The following ZFPM2 variants were observed in gnomAD, a reference collection of about 807,000 sequenced individuals.
ZFPM2 encodes zinc finger protein ZFPM2.
In ZFPM2, 20 loss-of-function variants were observed where a neutral mutation model predicts 98.6. The ratio of observed to expected loss-of-function variants is 0.20; its 90% CI spans 0.14 to 0.29. ZFPM2 has a LOEUF of 0.29. ZFPM2 is among the 10% of genes least tolerant of loss of function. The probability of loss-of-function intolerance (pLI) is 1.00; values close to 1 mark genes in which losing one functional copy is unlikely to be tolerated. For missense variants in ZFPM2, 1,310 were observed against 1,388.6 expected, an observed-to-expected ratio of 0.94 and a Z score of 0.90; for synonymous variants, 518 against 502.7, an observed-to-expected ratio of 1.03 and a Z score of -0.41.
chr8:105,453,626 TTTTTG>T (rs1276906983), intron 3 of ZFPM2, among the ~76,000 whole-genome samples: 2 of 151,940 alleles, frequency 1.3e-5, no homozygotes, highest in South Asian at 2.1e-4. Context: ...TCTGGAGTTT[TTTTTG>T]TTTTGTTTTG....
chr8:105,319,029 GC>G (rs1357359725), intron 1 of ZFPM2, 48 bp downstream of exon 1: 16 of 1,469,454 alleles, frequency 1.1e-5, no homozygotes, highest in Middle Eastern at 1.9e-4. Context: ...TTGCCCAGGA[GC>G]GGGGTGCGCG....
chr8:105,561,536 C>T, intron 4 of ZFPM2, 55 bp downstream of exon 4: 3 of 1,342,918 alleles, frequency 2.2e-6, no homozygotes, highest in East Asian at 2.4e-5. Context: ...TAGTATTTTG[C>T]CATAGCTCAG....
At chr8:105,736,882 T>TG (rs1363544019) in intron 5 of ZFPM2, among the ~76,000 whole-genome samples, 1 of 152,082 alleles carries the variant, frequency 6.6e-6, no homozygotes, top group Admixed American at 6.6e-5. Context: ...TAACACCAGA[T>TG]AAAATATCAG....
At chr8:105,704,409 T>C (rs946800930) in intron 5 of ZFPM2, among the ~76,000 whole-genome samples, 1 of 152,164 alleles carries the variant, frequency 6.6e-6, no homozygotes, top group African/African-American at 2.4e-5. Context: ...TCTGATTGAT[T>C]TGGTATCTTA....
intron 5 of ZFPM2, among the ~76,000 whole-genome samples, chr8:105,756,187 G>C (rs1267347301): frequency 6.6e-6 from 1 of 152,132 alleles, no homozygotes; most frequent in East Asian, 1.9e-4. Context: ...TCATGACTGT[G>C]CATGTGGCCC....
chr8:105,636,901 T>C (rs1250111349), intron 5 of ZFPM2, among the ~76,000 whole-genome samples: 2 of 152,166 alleles, frequency 1.3e-5, no homozygotes, highest in Non-Finnish European at 2.9e-5. Context: ...TTAATACTTA[T>C]TTAATAGCTC....
At chr8:105,741,739 A>ATTTTGGTT (rs1339782883) in intron 5 of ZFPM2, among the ~76,000 whole-genome samples, 2,113 of 152,122 alleles carry the variant, frequency 0.014, 53 homozygotes, top group African/African-American at 0.047. Flanking sequence ...ATACTGAACC[A>ATTTTGGTT]TTTACTGTTA....
At chr8:105,692,044 A>C (rs1810897647) in intron 5 of ZFPM2, among the ~76,000 whole-genome samples, 1 of 152,248 alleles carries the variant, frequency 6.6e-6, no homozygotes, top group South Asian at 2.1e-4. Flanking sequence ...ATTCTGTACA[A>C]GTCATGCTCT....
chr8:105,546,968 T>A (rs982857296), intron 3 of ZFPM2, among the ~76,000 whole-genome samples: 1 of 152,184 alleles, frequency 6.6e-6, no homozygotes, highest in African/African-American at 2.4e-5. Context: ...GTATCACAGT[T>A]TCCCTTTTTT....
At chr8:105,335,863 A>G (rs1005690495) in intron 1 of ZFPM2, among the ~76,000 whole-genome samples, 24 of 151,820 alleles carry the variant, frequency 1.6e-4, no homozygotes, top group Admixed American at 1.4e-3. Context: ...CGTGCAGCGT[A>G]TTCTGATCAA....
At chr8:105,472,397 T>C (rs1158351394) in intron 3 of ZFPM2, among the ~76,000 whole-genome samples, 1 of 152,240 alleles carries the variant, frequency 6.6e-6, no homozygotes, top group African/African-American at 2.4e-5. Context: ...TATTGAATCA[T>C]TAGTTCTGAT....
chr8:105,337,891 T>A (rs1387520255), intron 1 of ZFPM2, among the ~76,000 whole-genome samples: 1 of 151,744 alleles, frequency 6.6e-6, no homozygotes, highest in Non-Finnish European at 1.5e-5. Flanking sequence ...ATTCTCAAAA[T>A]GATAATGGTC....
chr8:105,696,260 A>G (rs1418767009), intron 5 of ZFPM2, among the ~76,000 whole-genome samples: 1 of 152,196 alleles, frequency 6.6e-6, no homozygotes, highest in Non-Finnish European at 1.5e-5. Flanking sequence ...TATCCTGGGC[A>G]GTGAGGCGGA....
intron 3 of ZFPM2, among the ~76,000 whole-genome samples, chr8:105,461,321 G>T (rs992851245): frequency 1.3e-5 from 2 of 152,036 alleles, no homozygotes; most frequent in Non-Finnish European, 2.9e-5. Context: ...AATGAAGATG[G>T]CATTATATTT....
chr8:105,620,376 GTTGT>G (rs1816513466), intron 4 of ZFPM2, among the ~76,000 whole-genome samples: 1 of 152,136 alleles, frequency 6.6e-6, no homozygotes, highest in African/African-American at 2.4e-5. Flanking sequence ...TTTTGATGGG[GTTGT>G]TTGATTTTTT....
intron 1 of ZFPM2, among the ~76,000 whole-genome samples, chr8:105,342,922 A>AC (rs922471027): frequency 6.6e-6 from 1 of 152,076 alleles, no homozygotes; most frequent in Non-Finnish European, 1.5e-5. Flanking sequence ...ATAAAACCAA[A>AC]AAAAATAATA....
chr8:105,604,811 T>C (rs987422014), intron 4 of ZFPM2, among the ~76,000 whole-genome samples: 1 of 152,104 alleles, frequency 6.6e-6, no homozygotes, highest in Non-Finnish European at 1.5e-5. Context: ...TGTCTCTTTA[T>C]ATCTTTATTT....
chr8:105,588,504 A>G (rs1450980403), intron 4 of ZFPM2, among the ~76,000 whole-genome samples: 1 of 152,128 alleles, frequency 6.6e-6, no homozygotes, highest in Non-Finnish European at 1.5e-5. Flanking sequence ...CAGTTTGAAA[A>G]CACTTCGTTA....
intron 3 of ZFPM2, among the ~76,000 whole-genome samples, chr8:105,559,732 A>G (rs1815087340): frequency 1.3e-5 from 2 of 152,156 alleles, no homozygotes; most frequent in African/African-American, 4.8e-5. Context: ...AAAGGAGGTG[A>G]CACTAAATAG....
Sources: allele counts gnomAD v4.1 joint callset (sites outside exome capture counted in the v4.1 genomes callset), GRCh38; gene constraint gnomAD v4.1.1; transcripts MANE v1.5; gene names NCBI Gene and HGNC (gene_info 2026-07-23, HGNC 2026-07-21).